Variants in ATP11C observed in about 807,000 individuals in gnomAD.
The protein encoded by ATP11C is phospholipid-transporting ATPase IG.
Under a neutral mutation model 97.4 loss-of-function variants are expected in ATP11C, and 36 were observed. That is an observed-to-expected ratio of 0.37 (90% CI 0.28 to 0.49). The LOEUF is 0.49. ATP11C is among the 20% of genes least tolerant of loss of function. ATP11C has a pLI of 0.98. For synonymous variants in ATP11C, 275 were observed against 290.9 expected (o/e 0.95, Z 0.56); for missense variants, 730 against 824.6 (o/e 0.89, Z 1.40).
chrX:139,931,217 T>C (rs764441840), intron 1 of ATP11C, among the ~76,000 whole-genome samples: 2 of 112,343 alleles, frequency 1.8e-5, no homozygotes, highest in Admixed American at 1.9e-4. Context: ...ATTTTCCCTA[T>C]GGCTAACTCC....
At chrX:139,905,901 C>T (rs986696391) in intron 1 of ATP11C, among the ~76,000 whole-genome samples, 1 of 111,401 alleles carries the variant, frequency 9.0e-6, no homozygotes, top group Non-Finnish European at 1.9e-5. Flanking sequence ...ATCCTTAAAC[C>T]GCACTGACAA....
intron 2 of ATP11C, among the ~76,000 whole-genome samples, chrX:139,821,790 G>A (rs1162325391): frequency 1.8e-5 from 2 of 112,240 alleles, no homozygotes; most frequent in Admixed American, 1.9e-4. Context: ...TTAGCACACA[G>A]AAGATATACA....
intron 1 of ATP11C, among the ~76,000 whole-genome samples, chrX:139,878,233 A>C (rs1169977456): frequency 9.0e-6 from 1 of 111,623 alleles, no homozygotes; most frequent in African/African-American, 3.3e-5. Flanking sequence ...GCACAGACAA[A>C]GCTTAGCACA....
At chrX:139,729,270 C>T (rs180671388) in intron 29 of ATP11C, among the ~76,000 whole-genome samples, 64 of 111,625 alleles carry the variant, frequency 5.7e-4, no homozygotes, top group Admixed American at 1.5e-3. Flanking sequence ...TTGCTGTGAT[C>T]CCTTCTCCTC....
chrX:139,763,764 T>A (rs764731215), intron 20 of ATP11C, among the ~76,000 whole-genome samples: 6 of 112,114 alleles, frequency 5.4e-5, no homozygotes, highest in Non-Finnish European at 1.1e-4. Context: ...ATATTTTCAA[T>A]CCACAGTTGT....
At chrX:139,816,048 T>C (rs2083282720) in intron 4 of ATP11C, among the ~76,000 whole-genome samples, 1 of 111,805 alleles carries the variant, frequency 8.9e-6, no homozygotes, top group African/African-American at 3.2e-5. Flanking sequence ...CAAAAGTCTT[T>C]ATTTTGCAAC....
intron 1 of ATP11C, among the ~76,000 whole-genome samples, chrX:139,922,220 CTAAATATATATATATATATATA>C (rs2085271755): frequency 2.8e-5 from 1 of 35,564 alleles, no homozygotes; most frequent in Non-Finnish European, 5.6e-5. Context: ...CTCTCCTTCT[CTAAATATATATATATATATATA>C]TATATATATA....
At chrX:139,739,261 C>T (rs938457633) in intron 27 of ATP11C, among the ~76,000 whole-genome samples, 1 of 110,524 alleles carries the variant, frequency 9.0e-6, no homozygotes, top group Non-Finnish European at 1.9e-5. Context: ...TGGCATCATA[C>T]CTTCTGACTA....
chrX:139,729,107 A>G, intron 29 of ATP11C, 145 bp from the exon 30 acceptor site: 2 of 422,037 alleles, frequency 4.7e-6, no homozygotes, highest in Non-Finnish European at 8.2e-6. Flanking sequence ...ATTCACATGC[A>G]GGGGAAAAAA....
At chrX:139,754,696 T>C (rs185769677) in intron 23 of ATP11C, among the ~76,000 whole-genome samples, 3 of 112,531 alleles carry the variant, frequency 2.7e-5, no homozygotes, top group Admixed American at 1.9e-4. Flanking sequence ...TGGTTCAATA[T>C]CTGCAAATCA....
chrX:139,808,394 G>A (rs973751314), intron 5 of ATP11C, among the ~76,000 whole-genome samples: 5 of 111,602 alleles, frequency 4.5e-5, no homozygotes, highest in African/African-American at 1.3e-4. Context: ...AGAGAACTTC[G>A]AGAAGGATAA....
intron 28 of ATP11C, 142 bp from the exon 29 acceptor site, chrX:139,731,897 T>C (rs2081349960): frequency 3.7e-6 from 1 of 267,071 alleles, no homozygotes; most frequent in South Asian, 9.8e-5. Context: ...GATTACACTA[T>C]ATAGTAAATG....
intron 16 of ATP11C, 119 bp downstream of exon 16, chrX:139,785,107 G>T: frequency 2.0e-6 from 1 of 507,321 alleles, no homozygotes; most frequent in Non-Finnish European, 3.3e-6. Flanking sequence ...CTACTGCTTT[G>T]CATGACTTTC....
intron 23 of ATP11C, 89 bp from the exon 24 acceptor site, chrX:139,750,241 C>A: frequency 2.2e-6 from 2 of 922,996 alleles, no homozygotes; most frequent in South Asian, 6.9e-5. Context: ...AACTTACTAG[C>A]TAAAATAAGA....
intron 6 of ATP11C, among the ~76,000 whole-genome samples, chrX:139,803,991 G>A (rs1005915919): frequency 6.4e-5 from 7 of 110,151 alleles, no homozygotes; most frequent in African/African-American, 2.3e-4. Context: ...GTGAGCCACC[G>A]CACCCAGCCC....
chrX:139,730,239 T>A (rs2081314442), intron 29 of ATP11C, among the ~76,000 whole-genome samples: 1 of 111,634 alleles, frequency 9.0e-6, no homozygotes, highest in African/African-American at 3.3e-5. Context: ...CAGCAGTGTC[T>A]TCTATCCAGC....
chrX:139,759,326 C>T (rs7061584), intron 22 of ATP11C, among the ~76,000 whole-genome samples: 20,278 of 110,742 alleles, frequency 0.18, 3,093 homozygotes, highest in African/African-American at 0.5. Flanking sequence ...ATTTGTTCAC[C>T]GATTGAATAA....
intron 26 of ATP11C, among the ~76,000 whole-genome samples, chrX:139,742,024 C>T (rs189296580): frequency 7.9e-4 from 88 of 111,188 alleles, no homozygotes; most frequent in Middle Eastern, 4.7e-3. Flanking sequence ...AAGGAAAATA[C>T]TAATATGAAT....
At position 139,728,267 on chromosome X, in the gene ATP11C, GAATAAAA is replaced by G. The variant is rs1484925617; in HGVS notation, c.*692_*698del. Reference sequence around the variant, plus strand: ...CCCATAAGTGGGGTTTAATTCAGAAGAATAAAAAATAAACAATTTTTTTCTATTCCCA... The same window carrying G: ...CCCATAAGTGGGGTTTAATTCAGAAGAATAAACAATTTTTTTCTATTCCCA... On this transcript the variant is annotated 3_prime_UTR_variant, in exon 30 of 30. Coordinates refer to ENST00000682941, the MANE Select transcript of ATP11C (RefSeq NM_001353812.2). The G allele has an allele frequency of 3.6e-4, 40 of 111,480 alleles. No homozygotes were observed. The highest frequency in any genetic ancestry group is 1.1e-3 in the African/African-American group (34 of 30,837). The allele number at this position is 111,480 out of a possible 1,213,427, so 9.2% of individuals were successfully genotyped here.
Sources: allele counts gnomAD v4.1 joint callset (sites outside exome capture counted in the v4.1 genomes callset), GRCh38; gene constraint gnomAD v4.1.1; transcripts MANE v1.5; gene names NCBI Gene and HGNC (gene_info 2026-07-23, HGNC 2026-07-21).